Variants in TP53INP1 observed in about 807,000 individuals in gnomAD.
TP53INP1 encodes tumor protein p53 inducible nuclear protein 1.
A neutral mutation model predicts 21.0 loss-of-function variants in TP53INP1; 12 were observed. That is an observed-to-expected ratio of 0.57 (90% CI 0.37 to 0.93). The LOEUF is 0.93. Ranked by LOEUF, TP53INP1 falls within the 40% of genes least tolerant of loss-of-function variation. TP53INP1 has a pLI of 0.01. For missense variants in TP53INP1, 274 were observed against 294.7 expected (o/e 0.93, Z 0.51); for synonymous variants, 91 against 94.8 (o/e 0.96, Z 0.23).
At chr8:94,946,925 A>C (rs1461913431) in intron 1 of TP53INP1, among the ~76,000 whole-genome samples, 1 of 152,100 alleles carries the variant, frequency 6.6e-6, no homozygotes, top group Non-Finnish European at 1.5e-5. Flanking sequence ...CAGTTGTGAG[A>C]CTGTCAACAA....
intron 3 of TP53INP1, among the ~76,000 whole-genome samples, chr8:94,938,865 C>T (rs1821248976): frequency 6.6e-6 from 1 of 152,178 alleles, no homozygotes; most frequent in Non-Finnish European, 1.5e-5. Flanking sequence ...CAGTTTACAG[C>T]TGGTTGGTCA....
At chr8:94,937,903 C>G (rs1821148362) in intron 3 of TP53INP1, among the ~76,000 whole-genome samples, 1 of 152,148 alleles carries the variant, frequency 6.6e-6, no homozygotes, top group Non-Finnish European at 1.5e-5. Context: ...TGGGAGTGGA[C>G]TGAGGGAGAG....
At position 94,939,869 on chromosome 8, in the gene TP53INP1, C is replaced by T. The variant is rs1376405304; in HGVS notation, c.464G>A (p.Ser155Asn). 1 of 1,611,800 alleles carries T rather than the reference C, an allele frequency of 6.2e-7. No homozygotes were observed. The highest frequency in any genetic ancestry group is 8.5e-7 in the Non-Finnish European group (1 of 1,178,600). The change falls in exon 3 of 4, where the codon AGT becomes AAT. Residue 155 changes from serine to asparagine, a missense_variant. Physicochemically the swap from Ser to Asn is conservative, Grantham distance 46. Transcript: ENST00000342697. Reference sequence around the variant, plus strand: ...AATACTTGTAACGTACCTGGGACTACTTGGGCTATGTAATTCATCAGTCCC... The same window carrying T: ...AATACTTGTAACGTACCTGGGACTATTTGGGCTATGTAATTCATCAGTCCC... ...TRGTDELHSP[S>N]SPRVEAQNEM...
intron 3 of TP53INP1, among the ~76,000 whole-genome samples, chr8:94,931,442 A>G (rs551897529): frequency 8.6e-4 from 131 of 152,330 alleles, no homozygotes; most frequent in Non-Finnish European, 1.2e-3. Flanking sequence ...TATGTTTTCC[A>G]TATAAAAAAG....
chr8:94,935,128 TATAGATAGATAGATAG>T (rs56734843), intron 3 of TP53INP1, among the ~76,000 whole-genome samples: 24 of 144,750 alleles, frequency 1.7e-4, no homozygotes, highest in African/African-American at 4.9e-4. Flanking sequence ...GGTAGATAGA[TATAGATAGATAGATAG>T]ATAGATAGAT....
chr8:94,933,519 C>T (rs1820636804), intron 3 of TP53INP1, among the ~76,000 whole-genome samples: 1 of 152,148 alleles, frequency 6.6e-6, no homozygotes, highest in Non-Finnish European at 1.5e-5. Flanking sequence ...AATCCCAGCA[C>T]TTTGGAAGGC....
chr8:94,944,700 AT>A (rs1258348710), intron 1 of TP53INP1, among the ~76,000 whole-genome samples: 1 of 152,172 alleles, frequency 6.6e-6, no homozygotes, highest in Non-Finnish European at 1.5e-5. Context: ...AGAACACAGA[AT>A]GGAGTTCCTG....
intron 3 of TP53INP1, among the ~76,000 whole-genome samples, chr8:94,938,422 A>G (rs1345565641): frequency 6.6e-6 from 1 of 152,224 alleles, no homozygotes; most frequent in Non-Finnish European, 1.5e-5. Context: ...AACTCCTAAA[A>G]TCCTTGGAAC....
intron 3 of TP53INP1, among the ~76,000 whole-genome samples, chr8:94,932,541 C>T (rs999516624): frequency 7.2e-5 from 11 of 152,162 alleles, no homozygotes; most frequent in African/African-American, 1.2e-4. Context: ...CGGTGGCTCA[C>T]GCCTGTAATC....
rs146282014 is a variant in TP53INP1, at chr8:94,931,609, C to CACACAT, written c.474-882_474-881insATGTGT. 6.9e-3 allele frequency among the ~76,000 whole-genome samples: 1,054 copies of CACACAT among 151,672 alleles called. 9 individuals carry two copies. Among genetic ancestry groups the CACACAT allele is most frequent in the African/African-American group, 0.024 (1,004 of 41,282 alleles). ...TATTACACACACACACACACACACA[C>CACACAT]ATAAAATTTTTTTAAAGTAGAATTT... On this transcript the variant is annotated intron_variant, in intron 3 of 3. Transcript: ENST00000342697.
Position 94,946,696 on chromosome 8 carries a change from CA to C in TP53INP1, c.-151+2457del, listed in dbSNP as rs71273438. Among the ~76,000 whole-genome samples the C allele has an allele frequency of 7.3e-3, 254 of 34,672 alleles. 6 individuals carry two copies. Among genetic ancestry groups the C allele is most frequent in the East Asian group, 0.034 (29 of 842 alleles). 22.7% of individuals were successfully genotyped at this position (34,672 alleles called of 152,430 possible). A position where few individuals can be genotyped will look rare whatever the true frequency, so the allele number is the denominator to read the frequency against. The stretch of plus-strand genomic sequence containing the variant: ...TGGTCAACAGAGTAAGACCCTGTCT[CA>C]AAAAAAAAAAAAAAAAAAAAAAAGA... On this transcript the variant is annotated intron_variant, in intron 1 of 3. Transcript: ENST00000342697.
intron 3 of TP53INP1, among the ~76,000 whole-genome samples, chr8:94,930,983 T>C (rs1017327493): frequency 3.3e-5 from 5 of 152,220 alleles, no homozygotes; most frequent in Admixed American, 3.3e-4. Context: ...TTTCTAAAAA[T>C]ACACTTTAAA....
Position 94,926,408 on chromosome 8 carries a change from AC to A in TP53INP1, c.*4070del, listed in dbSNP as rs1819898321. Reference sequence around the variant, plus strand: ...TCACAATTTTACTTGAGAAAAAAAAACAAAGCCACTTAAAAAAAAAAAAAAC... The same window carrying A: ...TCACAATTTTACTTGAGAAAAAAAAAAAAGCCACTTAAAAAAAAAAAAAAC... On this transcript the variant is annotated 3_prime_UTR_variant, in exon 4 of 4. Transcript: ENST00000342697. 9.9e-6 allele frequency: 1 copy of A among 101,040 alleles called. No homozygotes were observed. The highest frequency in any genetic ancestry group is 3.8e-4 in the South Asian group (1 of 2,636). 6.3% of individuals were successfully genotyped at this position (101,040 alleles called of 1,614,324 possible). A position where few individuals can be genotyped will look rare whatever the true frequency, so the allele number is the denominator to read the frequency against.
chr8:94,926,119 G>A lies in TP53INP1; in HGVS notation c.*4360C>T, dbSNP rs1227420198. 1 of 152,510 alleles carries A rather than the reference G, an allele frequency of 6.6e-6. No individual in the cohort carries two copies. Among genetic ancestry groups the A allele is most frequent in the Admixed American group, 6.5e-5 (1 of 15,268 alleles). 9.4% of individuals were successfully genotyped at this position (152,510 alleles called of 1,614,324 possible). ...CTCATTTTTGGCAAAGTGCTGTATT[G>A]TTCAGTCTGTGTACAAAACTGACCA... On this transcript the variant is annotated 3_prime_UTR_variant, in exon 4 of 4. Coordinates refer to ENST00000342697, the MANE Select transcript of TP53INP1 (RefSeq NM_033285.4).
chr8:94,931,323 CTT>C (rs958726409), intron 3 of TP53INP1, among the ~76,000 whole-genome samples: 8 of 152,260 alleles, frequency 5.3e-5, no homozygotes, highest in Non-Finnish European at 7.4e-5. Context: ...GAATAAATCT[CTT>C]AAGTTTTTCT....
rs1282898277 is a variant in TP53INP1, at chr8:94,930,656, A to C, written c.546T>G (p.Phe182Leu). ...YVAALAAHTT[F>L]LEQPKSFRPS... Reference sequence around the variant, plus strand: ...GGCGAAAGCTCTTGGGTTGTTCCAGAAAAGTTGTATGAGCAGCAAGAGCTG... The same window carrying C: ...GGCGAAAGCTCTTGGGTTGTTCCAGCAAAGTTGTATGAGCAGCAAGAGCTG... The change falls in exon 4 of 4, where the codon TTT (phenylalanine) becomes TTG (leucine). Residue 182 changes from phenylalanine (F) to leucine (L), a missense_variant. By Grantham distance (22) the Phe-to-Leu change is conservative. Transcript: ENST00000342697. 2.5e-6 allele frequency: 4 copies of C among 1,614,136 alleles called. No individual in the cohort carries two copies. In the African/African-American group the frequency reaches 5.3e-5, roughly 22 times the overall value.
intron 3 of TP53INP1, among the ~76,000 whole-genome samples, chr8:94,932,596 G>T (rs1026344373): frequency 6.6e-6 from 1 of 152,176 alleles, no homozygotes; most frequent in Non-Finnish European, 1.5e-5. Flanking sequence ...GAGGTCAGGA[G>T]ATCAAGACCA....
Position 94,933,835 on chromosome 8 carries a change from G to GGA in TP53INP1, c.474-3108_474-3107insTC, listed in dbSNP as rs796460969. 3.5e-4 allele frequency among the ~76,000 whole-genome samples: 5 copies of GGA among 14,274 alleles called. 1 individual carries two copies. In the East Asian group the frequency reaches 0.024, roughly 67 times the overall value. The allele number at this position is 14,274 out of a possible 152,430, so 9.4% of individuals were successfully genotyped here. ...CATGCCTGTAATCCCAGCACTTTGT[G>GGA]GGGGGGGGGGGAGGATCACGAGGTC... On this transcript the variant is annotated intron_variant, in intron 3 of 3. Coordinates refer to ENST00000342697, the MANE Select transcript of TP53INP1 (RefSeq NM_033285.4).
intron 1 of TP53INP1, among the ~76,000 whole-genome samples, chr8:94,947,303 C>T (rs1477833638): frequency 5.3e-5 from 8 of 150,476 alleles, no homozygotes; most frequent in Admixed American, 2.6e-4. Flanking sequence ...AAAAAAAACC[C>T]GCAAGTTTGA....
Sources: gnomAD v4.1 joint callset for allele counts (sites outside exome capture counted in the v4.1 genomes callset) on GRCh38, gnomAD v4.1.1 for gene constraint, MANE v1.5 for transcripts, NCBI Gene and HGNC (gene_info 2026-07-23, HGNC 2026-07-21) for gene names.